IRF1: variants seen among roughly 807,000 people sequenced by gnomAD.
IRF1 encodes interferon regulatory factor-1.
IRF1 carries 13 observed loss-of-function variants against 43.7 expected under a neutral mutation model. The ratio of observed to expected loss-of-function variants is 0.30; its 90% CI spans 0.19 to 0.47. The LOEUF (loss-of-function observed/expected upper bound fraction) is 0.47, where lower values mean the gene tolerates loss of function less well. Ranked by LOEUF, IRF1 falls within the 20% of genes least tolerant of loss-of-function variation. IRF1 has a pLI of 0.99. For synonymous variants in IRF1, 138 were observed against 146.8 expected (o/e 0.94, Z 0.43); for missense variants, 236 against 408.9 (o/e 0.58, Z 3.65).
chr5:132,485,374 G>A (rs1249119413), intron 8 of IRF1: 3 of 400,942 alleles, frequency 7.5e-6, no homozygotes, highest in East Asian at 3.9e-5. Context: ...GCATGTTGGG[G>A]CAGAGGATGC....
chr5:132,489,971 G>T, intron 1 of IRF1: 1 of 165,498 alleles, frequency 6.0e-6, no homozygotes, highest in South Asian at 1.4e-4. Flanking sequence ...GACAGCCACA[G>T]CGCCCACAAC....
Position 132,484,343 on chromosome 5 carries a change from G to C in IRF1, c.853+19C>G, listed in dbSNP as rs1360658270. ...TTCTCCCTCATCTAAGAAGCCATAA[G>C]GATCCAGGGCCTTCTTACCCCCTGG... is the stretch of plus-strand genomic sequence containing the variant. On this transcript the variant is annotated intron_variant, in intron 9 of 9. Coordinates refer to ENST00000245414, the MANE Select transcript of IRF1 (RefSeq NM_002198.3). 2 of 1,613,016 alleles carry C rather than the reference G, an allele frequency of 1.2e-6. No individual in the cohort carries two copies. Among genetic ancestry groups the C allele is most frequent in the Non-Finnish European group, 1.7e-6 (2 of 1,179,442 alleles).
intron 8 of IRF1, chr5:132,485,303 A>T: frequency 4.4e-6 from 1 of 226,678 alleles, no homozygotes; most frequent in Non-Finnish European, 8.9e-6. Context: ...CATCATATTA[A>T]CGGATCCTAA....
rs1754684965 is a variant in IRF1 at position 132,490,382 on chromosome 5, G to A, written c.-6+163C>T. ...CCGCCCTCCCCGCGCCGCGGCCCGC[G>A]GCTCGCAGCTCCTCCGGCGCCCCCC... On this transcript the variant is annotated intron_variant, in intron 1 of 9. Transcript: ENST00000245414. This position sits in a 1 kb window ranked among gnomAD's most constrained non-coding sequence, Gnocchi z 5.8. 1 of 149,528 alleles carries A rather than the reference G, an allele frequency of 6.7e-6. No individual in the cohort carries two copies. The highest frequency in any genetic ancestry group is 2.4e-5 in the African/African-American group (1 of 41,032). The allele number at this position is 149,528 out of a possible 1,614,324, so 9.3% of individuals were successfully genotyped here. A position where few individuals can be genotyped will look rare whatever the true frequency, so the allele number is the denominator to read the frequency against.
intron 1 of IRF1, 31 bp from the exon 2 acceptor site, chr5:132,489,514 G>A (rs769404417): frequency 1.3e-6 from 2 of 1,581,282 alleles, no homozygotes; most frequent in Non-Finnish European, 1.7e-6. Context: ...CTCCAGTCTG[G>A]AATCTGTTGA....
At chr5:132,484,607 T>C (rs1323069590) in intron 8 of IRF1, 110 bp from the exon 9 acceptor site, 3 of 1,386,464 alleles carry the variant, frequency 2.2e-6, no homozygotes, top group Non-Finnish European at 3.0e-6. Flanking sequence ...CCCTTGGCCA[T>C]TTTCACAATC....
rs1267471335 is a variant in IRF1 at position 132,482,552 on chromosome 5, C to T, written c.*1399G>A. 1 of 151,578 alleles carries T rather than the reference C, an allele frequency of 6.6e-6. No individual in the cohort carries two copies. The highest frequency in any genetic ancestry group is 1.5e-5 in the Non-Finnish European group (1 of 67,918). 9.4% of individuals were successfully genotyped at this position (151,578 alleles called of 1,614,324 possible). ...TATTTTTAGTAGAGATGAGGTTTCACCATGTTGGCCAGGCTGGTCTCAAAC... is the reference window on the plus strand; with the variant it reads ...TATTTTTAGTAGAGATGAGGTTTCATCATGTTGGCCAGGCTGGTCTCAAAC... On this transcript the variant is annotated 3_prime_UTR_variant, in exon 10 of 10. Transcript: ENST00000245414.
At position 132,487,040 on chromosome 5, in the gene IRF1, T is replaced by A; in HGVS notation, c.278A>T (p.Glu93Val). ...CAMNSLPDIE[E>V]VKDQSRNKGS... is the part of the protein sequence containing the mutation. The stretch of plus-strand genomic sequence containing the variant: ...CTTGTTCCTGCTCTGGTCTTTCACC[T>A]CCTCGATATCTGGCAGGGAGTTCAT... The change falls in exon 4 of 10, where the codon GAG becomes GTG. Residue 93 changes from glutamate (E) to valine (V), a missense_variant. By Grantham distance (121) the Glu-to-Val change is moderately radical. This residue lies in a region of IRF1 where 66 missense variants were observed against 157.1 expected (regional missense o/e 0.42). Transcript: ENST00000245414. 6.2e-7 allele frequency: 1 copy of A among 1,614,184 alleles called. No individual in the cohort carries two copies. Among genetic ancestry groups the A allele is most frequent in the Non-Finnish European group, 8.5e-7 (1 of 1,180,030 alleles).
intron 3 of IRF1, 100 bp downstream of exon 3, chr5:132,487,826 C>T (rs1754576826): frequency 4.0e-6 from 3 of 741,070 alleles, no homozygotes; most frequent in Non-Finnish European, 2.4e-6. Context: ...CATGTTGTCT[C>T]AGGGAGCTCA....
Position 132,484,077 on chromosome 5 carries a change from TAGA to T in IRF1, c.854-5_854-3del. On this transcript the variant is annotated splice_region_variant and splice_polypyrimidine_tract_variant and intron_variant, in intron 9 of 9. Transcript: ENST00000245414. Reference sequence around the variant, plus strand: ...GCTGTAGACTCAGCCCAATATCCCCTAGAAGATGTGAAGAAGGTTGTATGAGGG... The same window carrying T: ...GCTGTAGACTCAGCCCAATATCCCCTAGATGTGAAGAAGGTTGTATGAGGG... The T allele has an allele frequency of 6.2e-7, 1 of 1,613,640 alleles. No individual in the cohort carries two copies.
intron 2 of IRF1, 179 bp downstream of exon 2, chr5:132,489,213 G>A: frequency 1.7e-6 from 1 of 578,216 alleles, no homozygotes; most frequent in Non-Finnish European, 3.2e-6. Flanking sequence ...AAGAAGGCAG[G>A]AGTCATGCAA....
intron 1 of IRF1, 37 bp from the exon 2 acceptor site, chr5:132,489,520 G>C: frequency 6.4e-7 from 1 of 1,559,950 alleles, no homozygotes; most frequent in Non-Finnish European, 8.8e-7. Flanking sequence ...TCTGGAATCT[G>C]TTGAACAGTA....
In IRF1 at chr5:132,483,814, G is replaced by A; in HGVS notation, c.*137C>T. On this transcript the variant is annotated 3_prime_UTR_variant, in exon 10 of 10. Coordinates refer to ENST00000245414, the MANE Select transcript of IRF1 (RefSeq NM_002198.3). ...CTGAGAGGTCAATGACCCAAGGAGG[G>A]AGGCCCCATCCCCACTTGGCAGTGG... 2 of 1,091,576 alleles carry A rather than the reference G, an allele frequency of 1.8e-6. No individual in the cohort carries two copies. The highest frequency in any genetic ancestry group is 2.5e-5 in the East Asian group (1 of 40,080). The allele number at this position is 1,091,576 out of a possible 1,614,324, so 67.6% of individuals were successfully genotyped here.
rs1462019587 is a variant in IRF1, at chr5:132,483,117, GTACATATT to G, written c.*826_*833del. The G allele has an allele frequency of 7.5e-6, 1 of 133,788 alleles. No homozygotes were observed. The highest frequency in any genetic ancestry group is 1.7e-5 in the Non-Finnish European group (1 of 58,024). The allele number at this position is 133,788 out of a possible 1,614,324, so 8.3% of individuals were successfully genotyped here. On this transcript the variant is annotated 3_prime_UTR_variant, in exon 10 of 10. Coordinates refer to ENST00000245414, the MANE Select transcript of IRF1 (RefSeq NM_002198.3). ...ATTTACTTTTTATAAAAAGACAAAT[GTACATATT>G]TACACACGTCCTTATGTGTTCACAC...
chr5:132,486,003 C>T (rs1280403688), intron 7 of IRF1: 8 of 605,248 alleles, frequency 1.3e-5, no homozygotes, highest in Non-Finnish European at 2.1e-5. Flanking sequence ...GAAGGAGAAC[C>T]AGCACCCCAA....
At chr5:132,485,393 G>C in intron 8 of IRF1, 1 of 492,748 alleles carries the variant, frequency 2.0e-6, no homozygotes, top group Non-Finnish European at 3.7e-6. Context: ...GCAGGCCAGG[G>C]ACCCATCGCT....
intron 8 of IRF1, chr5:132,485,367 T>G: frequency 2.1e-5 from 8 of 378,794 alleles, no homozygotes; most frequent in East Asian, 4.3e-5. Context: ...GGCTGGGGCA[T>G]GTTGGGGCAG....
chr5:132,487,258 C>T (rs1754558791), intron 3 of IRF1, 128 bp from the exon 4 acceptor site: 5 of 879,208 alleles, frequency 5.7e-6, no homozygotes, highest in Non-Finnish European at 1.8e-6. Flanking sequence ...AGTGGTCAAA[C>T]CAGCAGGTAC....
chr5:132,484,307 T>C, intron 9 of IRF1, 55 bp downstream of exon 9: 1 of 1,600,960 alleles, frequency 6.2e-7, no homozygotes, highest in South Asian at 1.1e-5. Flanking sequence ...GCTTTCTCCA[T>C]CCCTACGTGG....
Sources: allele counts gnomAD v4.1 joint callset, GRCh38; gene constraint gnomAD v4.1.1; regional missense constraint gnomAD v4.1.1; non-coding constraint Gnocchi (gnomAD v3.1); transcripts MANE v1.5; gene names NCBI Gene and HGNC (gene_info 2026-07-23, HGNC 2026-07-21).